Variants in MYO5B observed in about 807,000 individuals in gnomAD.
MYO5B encodes the protein unconventional myosin-Vb.
In MYO5B, 143 loss-of-function variants were observed where a neutral mutation model predicts 229.3. The ratio of observed to expected loss-of-function variants is 0.62; its 90% CI spans 0.54 to 0.72. The LOEUF (loss-of-function observed/expected upper bound fraction) is 0.72. Ranked by LOEUF, MYO5B falls within the 30% of genes least tolerant of loss-of-function variation. The pLI is 0.00. For synonymous variants in MYO5B, 918 were observed against 885.2 expected (o/e 1.04, Z -0.66); for missense variants, 2,321 against 2,331.0 (o/e 1.00, Z 0.09).
At chr18:49,851,380 G>A (rs912418255) in intron 31 of MYO5B, among the ~76,000 whole-genome samples, 1 of 152,162 alleles carries the variant, frequency 6.6e-6, no homozygotes, top group African/African-American at 2.4e-5. Flanking sequence ...ATGTGCTAAG[G>A]GGAATTATAT....
At chr18:50,037,238 C>G (rs2026459510) in intron 3 of MYO5B, among the ~76,000 whole-genome samples, 1 of 105,112 alleles carries the variant, frequency 9.5e-6, no homozygotes, top group Non-Finnish European at 1.9e-5. Context: ...CACACACACT[C>G]ACTCACAAAT....
chr18:49,957,277 G>A lies in MYO5B; in HGVS notation c.1546-2842C>T, dbSNP rs577565724. Among the ~76,000 whole-genome samples, 7 of 149,952 alleles carry A rather than the reference G, an allele frequency of 4.7e-5. No homozygotes were observed. In the East Asian group the frequency reaches 1.0e-3, roughly 21 times the overall value. On this transcript the variant is annotated intron_variant, in intron 12 of 39. Transcript: ENST00000285039. ...ACTCTCTATCACAGATGTTGCCATC[G>A]CTGGCCTGGGACATCTTCTGAGGCC... is the stretch of plus-strand genomic sequence containing the variant.
At chr18:50,167,463 A>C (rs1261907567) in intron 1 of MYO5B, among the ~76,000 whole-genome samples, 1 of 152,234 alleles carries the variant, frequency 6.6e-6, no homozygotes, top group Non-Finnish European at 1.5e-5. Flanking sequence ...CATATTATGC[A>C]ACCTGCCACT....
At chr18:50,158,362 A>G (rs2032714077) in intron 1 of MYO5B, among the ~76,000 whole-genome samples, 1 of 152,158 alleles carries the variant, frequency 6.6e-6, no homozygotes, top group African/African-American at 2.4e-5. Context: ...TCTTTCATAT[A>G]CCTAATATGA....
chr18:50,158,926 G>C (rs954166446), intron 1 of MYO5B, among the ~76,000 whole-genome samples: 1 of 152,134 alleles, frequency 6.6e-6, no homozygotes, highest in Non-Finnish European at 1.5e-5. Flanking sequence ...ATCTACGCCT[G>C]TGCTACCCTA....
At chr18:50,138,615 A>T (rs2032371588) in intron 1 of MYO5B, among the ~76,000 whole-genome samples, 2 of 152,108 alleles carry the variant, frequency 1.3e-5, no homozygotes. Flanking sequence ...AACCACAGTG[A>T]AATGTTGACC....
In MYO5B at chr18:49,894,927, T is replaced by G. The variant is rs773442466; in HGVS notation, c.3045+14A>C. Reference sequence around the variant, plus strand: ...CTCTGCTTGCCAGCGCCTGCCCCTCTGGCCTGAGCATACCTTCCTCAGCTC... The same window carrying G: ...CTCTGCTTGCCAGCGCCTGCCCCTCGGGCCTGAGCATACCTTCCTCAGCTC... On this transcript the variant is annotated intron_variant, in intron 22 of 39. Transcript: ENST00000285039. The G allele has an allele frequency of 8.7e-6, 14 of 1,610,636 alleles. 1 individual carries two copies. In the South Asian group the frequency reaches 1.5e-4, roughly 18 times the overall value.
Position 49,880,341 on chromosome 18 carries a change from C to T in MYO5B, c.3130+30G>A, listed in dbSNP as rs780542092. ...CAGTGAGGAAAAGAGATTAAAACCC[C>T]AAATAAAACTCAAGTGCTTTGGTAC... On this transcript the variant is annotated intron_variant, in intron 23 of 39. Transcript: ENST00000285039. 3.4e-5 allele frequency: 54 copies of T among 1,591,212 alleles called. 1 individual carries two copies. In the South Asian group the frequency reaches 5.9e-4, roughly 17 times the overall value.
At chr18:49,891,549 A>G (rs927647779) in intron 22 of MYO5B, among the ~76,000 whole-genome samples, 21 of 152,190 alleles carry the variant, frequency 1.4e-4, no homozygotes, top group Non-Finnish European at 2.2e-4. Flanking sequence ...AAGGACCATG[A>G]GCTTCTGTGC....
intron 1 of MYO5B, among the ~76,000 whole-genome samples, chr18:50,161,395 A>T (rs2032763157): frequency 6.6e-6 from 1 of 152,022 alleles, no homozygotes; most frequent in African/African-American, 2.4e-5. Context: ...AACAAACAAA[A>T]CACACAAAAC....
At chr18:49,860,067 G>T (rs567910444) in intron 29 of MYO5B, among the ~76,000 whole-genome samples, 1 of 152,278 alleles carries the variant, frequency 6.6e-6, no homozygotes, top group East Asian at 1.9e-4. Context: ...CTGTCTTGCC[G>T]GGGACCTGCT....
At chr18:49,900,591 T>C (rs950939314) in intron 21 of MYO5B, among the ~76,000 whole-genome samples, 1 of 152,226 alleles carries the variant, frequency 6.6e-6, no homozygotes, top group South Asian at 2.1e-4. Flanking sequence ...AGGTGTAAAA[T>C]GCTTTTTTCC....
chr18:49,840,096 G>A (rs926592071), intron 35 of MYO5B: 3 of 152,520 alleles, frequency 2.0e-5, no homozygotes, highest in Non-Finnish European at 4.4e-5. Flanking sequence ...ATCTGGTCAT[G>A]CTGTGGTTCA....
At chr18:50,065,297 T>A (rs942352678) in intron 1 of MYO5B, among the ~76,000 whole-genome samples, 1 of 152,092 alleles carries the variant, frequency 6.6e-6, no homozygotes, top group African/African-American at 2.4e-5. Flanking sequence ...CTGGGCACAG[T>A]GAAGAGGAGA....
intron 16 of MYO5B, among the ~76,000 whole-genome samples, chr18:49,933,102 C>T (rs570939473): frequency 1.2e-4 from 18 of 152,276 alleles, no homozygotes; most frequent in African/African-American, 2.6e-4. Flanking sequence ...CACAATTGCC[C>T]GCCATGGAAT....
chr18:49,864,450 C>T, intron 27 of MYO5B, 70 bp from the exon 28 acceptor site: 1 of 1,583,846 alleles, frequency 6.3e-7, no homozygotes, highest in South Asian at 1.1e-5. Flanking sequence ...TGGGCCTCCC[C>T]TCCTCCCCTT....
At chr18:50,144,852 C>T (rs898495895) in intron 1 of MYO5B, among the ~76,000 whole-genome samples, 6 of 152,120 alleles carry the variant, frequency 3.9e-5, no homozygotes, top group Non-Finnish European at 5.9e-5. Context: ...GAAGACCACC[C>T]CTCCCCCAGA....
chr18:50,002,054 T>A (rs892899823), intron 4 of MYO5B, among the ~76,000 whole-genome samples: 4 of 101,410 alleles, frequency 3.9e-5, no homozygotes, highest in African/African-American at 1.3e-4. Context: ...AAAAAAAAAA[T>A]TCACAAGCAC....
intron 14 of MYO5B, among the ~76,000 whole-genome samples, chr18:49,949,787 G>A (rs2025413253): frequency 6.6e-6 from 1 of 152,208 alleles, no homozygotes; most frequent in South Asian, 2.1e-4. Flanking sequence ...CAATTTTAAT[G>A]TAATGACATA....
Sources: allele counts gnomAD v4.1 joint callset (sites outside exome capture counted in the v4.1 genomes callset), GRCh38; gene constraint gnomAD v4.1.1; transcripts MANE v1.5; gene names NCBI Gene and HGNC (gene_info 2026-07-23, HGNC 2026-07-21).